Variants in SH3GL2 observed in about 807,000 individuals in gnomAD.
The protein encoded by SH3GL2 is SH3 domain containing GRB2 like 2, endophilin A1, also known as endophilin-A1.
Under a neutral mutation model 46.0 loss-of-function variants are expected in SH3GL2, and 24 were observed. The observed-to-expected ratio is 0.52, with a 90% CI of 0.38 to 0.73. SH3GL2 has a LOEUF of 0.73. Ranked by LOEUF, SH3GL2 falls within the 30% of genes least tolerant of loss-of-function variation. The pLI, the probability that SH3GL2 is intolerant of heterozygous loss-of-function variation, is 0.00. For synonymous variants in SH3GL2, 196 were observed against 147.1 expected, an observed-to-expected ratio of 1.33 and a Z score of -2.40; for missense variants, 413 against 424.2, an observed-to-expected ratio of 0.97 and a Z score of 0.23.
At chr9:17,757,552 TC>T (rs1253622417) in intron 2 of SH3GL2, among the ~76,000 whole-genome samples, 2 of 152,120 alleles carry the variant, frequency 1.3e-5, no homozygotes, top group Non-Finnish European at 2.9e-5. Context: ...CTCACACCAA[TC>T]CCAGGCAAGG....
At position 17,675,518 on chromosome 9, in the gene SH3GL2, G is replaced by T. The variant is rs190211450; in HGVS notation, c.46-71548G>T. 2.6e-5 allele frequency among the ~76,000 whole-genome samples: 4 copies of T among 152,312 alleles called. 1 individual carries two copies. In the East Asian group the frequency reaches 7.7e-4, roughly 29 times the overall value. On this transcript the variant is annotated intron_variant, in intron 1 of 8. Transcript: ENST00000380607. ...CATTGATTACAAAACTCTTTAAGTT[G>T]TACAGAAGTTATTTTTCCCTAGAAC...
intron 3 of SH3GL2, among the ~76,000 whole-genome samples, chr9:17,778,393 G>A (rs1430508282): frequency 1.3e-5 from 2 of 152,142 alleles, no homozygotes; most frequent in African/African-American, 4.8e-5. Context: ...GATCAGTGCA[G>A]TGAATTAAAA....
chr9:17,706,040 G>A (rs1821464672), intron 1 of SH3GL2, among the ~76,000 whole-genome samples: 1 of 151,986 alleles, frequency 6.6e-6, no homozygotes, highest in East Asian at 1.9e-4. Flanking sequence ...ACTGATCAAA[G>A]TAATATATAG....
intron 1 of SH3GL2, among the ~76,000 whole-genome samples, chr9:17,671,812 G>T (rs961635897): frequency 1.3e-5 from 2 of 152,134 alleles, no homozygotes; most frequent in Non-Finnish European, 2.9e-5. Context: ...AACTGATAAT[G>T]ACATCTTCGT....
intron 1 of SH3GL2, among the ~76,000 whole-genome samples, chr9:17,741,991 A>C (rs745611941): frequency 1.2e-4 from 19 of 152,162 alleles, no homozygotes; most frequent in Non-Finnish European, 2.5e-4. Flanking sequence ...GTACAAAGCA[A>C]AGGGAACAAA....
intron 3 of SH3GL2, among the ~76,000 whole-genome samples, chr9:17,778,821 C>G (rs902992301): frequency 6.6e-6 from 1 of 152,024 alleles, no homozygotes; most frequent in Non-Finnish European, 1.5e-5. Flanking sequence ...AGAGAGACAT[C>G]AAAGATAACT....
intron 1 of SH3GL2, among the ~76,000 whole-genome samples, chr9:17,624,396 T>C (rs1436573852): frequency 1.3e-5 from 2 of 152,208 alleles, no homozygotes; most frequent in Non-Finnish European, 2.9e-5. Context: ...TTAGCATCCA[T>C]TGATGATTAT....
intron 1 of SH3GL2, among the ~76,000 whole-genome samples, chr9:17,651,805 TA>T (rs1449301637): frequency 6.6e-6 from 1 of 152,182 alleles, no homozygotes; most frequent in African/African-American, 2.4e-5. Flanking sequence ...TAACTTGTTT[TA>T]AATTCTTATT....
At chr9:17,792,757 A>T (rs909518058) in intron 7 of SH3GL2, among the ~76,000 whole-genome samples, 1 of 152,110 alleles carries the variant, frequency 6.6e-6, no homozygotes, top group African/African-American at 2.4e-5. Flanking sequence ...TTATGGAGAG[A>T]TAGACTCCTT....
Position 17,617,499 on chromosome 9 carries a change from C to G in SH3GL2, c.45+38212C>G, listed in dbSNP as rs569810224. Among the ~76,000 whole-genome samples, 3 of 152,300 alleles carry G rather than the reference C, an allele frequency of 2.0e-5. No homozygotes were observed. In the East Asian group the frequency reaches 5.8e-4, roughly 29 times the overall value. ...TATTCCTTGGAGCTTCCTAAAATAA[C>G]TAGCATGTTAAAGGCTTAACGTGCT... On this transcript the variant is annotated intron_variant, in intron 1 of 8. Transcript: ENST00000380607.
chr9:17,614,781 A>T (rs1459828628), intron 1 of SH3GL2, among the ~76,000 whole-genome samples: 2 of 152,122 alleles, frequency 1.3e-5, no homozygotes, highest in African/African-American at 4.8e-5. Context: ...TTTTCTACCA[A>T]GTGAAGTTTG....
intron 1 of SH3GL2, among the ~76,000 whole-genome samples, chr9:17,628,976 T>C (rs1299590364): frequency 6.8e-6 from 1 of 146,244 alleles, no homozygotes; most frequent in Non-Finnish European, 1.5e-5. Context: ...GAAAATTAAA[T>C]TACCTTTTTT....
intron 1 of SH3GL2, among the ~76,000 whole-genome samples, chr9:17,738,231 A>T (rs1822398374): frequency 6.6e-6 from 1 of 151,766 alleles, no homozygotes; most frequent in Admixed American, 6.6e-5. Context: ...TAATCTTAAG[A>T]TGTTTTTGTC....
intron 2 of SH3GL2, among the ~76,000 whole-genome samples, chr9:17,755,131 A>G (rs776665619): frequency 2.0e-5 from 3 of 152,218 alleles, no homozygotes; most frequent in Non-Finnish European, 2.9e-5. Flanking sequence ...TTTGTCATAT[A>G]TGGCACTTAT....
chr9:17,715,527 T>A (rs1821732317), intron 1 of SH3GL2, among the ~76,000 whole-genome samples: 1 of 151,898 alleles, frequency 6.6e-6, no homozygotes, highest in Non-Finnish European at 1.5e-5. Flanking sequence ...TCTCCATGTG[T>A]TTCATTTTTG....
intron 1 of SH3GL2, among the ~76,000 whole-genome samples, chr9:17,640,972 C>G (rs1210719703): frequency 6.6e-6 from 1 of 152,050 alleles, no homozygotes. Flanking sequence ...ATTATCTAAA[C>G]TTAGGCATAA....
At chr9:17,690,449 A>T (rs938968678) in intron 1 of SH3GL2, among the ~76,000 whole-genome samples, 3 of 151,968 alleles carry the variant, frequency 2.0e-5, no homozygotes, top group Non-Finnish European at 4.4e-5. Flanking sequence ...CCCACATCAC[A>T]TGTCCTCTTT....
At chr9:17,726,858 A>G (rs536602327) in intron 1 of SH3GL2, among the ~76,000 whole-genome samples, 4 of 152,278 alleles carry the variant, frequency 2.6e-5, no homozygotes, top group African/African-American at 4.8e-5. Flanking sequence ...AGATAGGACT[A>G]TAAGTTGGTA....
At chr9:17,678,404 CAT>C (rs1820672557) in intron 1 of SH3GL2, among the ~76,000 whole-genome samples, 1 of 152,144 alleles carries the variant, frequency 6.6e-6, no homozygotes, top group Admixed American at 6.5e-5. Context: ...AGCATTTTTT[CAT>C]GTGTTTTTTG....
Sources: allele counts gnomAD v4.1 joint callset (sites outside exome capture counted in the v4.1 genomes callset), GRCh38; gene constraint gnomAD v4.1.1; transcripts MANE v1.5; gene names NCBI Gene and HGNC (gene_info 2026-07-23, HGNC 2026-07-21).